The following SPG11 variants were observed in gnomAD, a reference collection of about 807,000 sequenced individuals.
SPG11 encodes the protein spatacsin.
SPG11 carries 222 observed loss-of-function variants against 274.0 expected under a neutral mutation model. The ratio of observed to expected loss-of-function variants is 0.81; its 90% CI spans 0.73 to 0.91. The LOEUF (loss-of-function observed/expected upper bound fraction) is 0.91, where lower values mean the gene tolerates loss of function less well. Among genes scored for constraint, SPG11 ranks in the 40% least tolerant of loss-of-function variants. The pLI, the probability that SPG11 is intolerant of heterozygous loss-of-function variation, is 0.00. For synonymous variants in SPG11, 1,144 were observed against 1,039.7 expected (o/e 1.10, Z -1.93); for missense variants, 3,114 against 2,872.7 (o/e 1.08, Z -1.92).
chr15:44,567,935 TGA>T (rs1296251086), intron 35 of SPG11, among the ~76,000 whole-genome samples: 1 of 152,102 alleles, frequency 6.6e-6, no homozygotes, highest in African/African-American at 2.4e-5. Flanking sequence ...TAGCAAACAA[TGA>T]GAAACAATCC....
intron 23 of SPG11, among the ~76,000 whole-genome samples, chr15:44,597,780 A>C (rs1043482152): frequency 2.0e-5 from 3 of 152,214 alleles, no homozygotes; most frequent in Admixed American, 2.0e-4. Context: ...GAAGGCATGA[A>C]GTGTAAGGAG....
rs1478257543 is a variant in SPG11 at position 44,578,093 on chromosome 15, C to A, written c.5867-3052G>T. ...AGGCTGGAGTGCATTGGCGTGATCTCGGCTCACTACAAGCTCCACCTCCCG... is the reference window on the plus strand; with the variant it reads ...AGGCTGGAGTGCATTGGCGTGATCTAGGCTCACTACAAGCTCCACCTCCCG... On this transcript the variant is annotated intron_variant, in intron 30 of 39. Coordinates refer to ENST00000261866, the MANE Select transcript of SPG11 (RefSeq NM_025137.4). Among the ~76,000 whole-genome samples, 17 of 145,642 alleles carry A rather than the reference C, an allele frequency of 1.2e-4. No homozygotes were observed. In the East Asian group the frequency reaches 3.4e-3, roughly 30 times the overall value.
At chr15:44,577,471 C>T (rs1487482597) in intron 30 of SPG11, among the ~76,000 whole-genome samples, 1 of 147,632 alleles carries the variant, frequency 6.8e-6, no homozygotes, top group Non-Finnish European at 1.5e-5. Context: ...CCACTGCACT[C>T]CAGCCTGGGC....
intron 2 of SPG11, among the ~76,000 whole-genome samples, 165 bp downstream of exon 2, chr15:44,660,267 T>C (rs2085065264): frequency 6.6e-6 from 1 of 152,176 alleles, no homozygotes; most frequent in South Asian, 2.1e-4. Flanking sequence ...TACATCTTAA[T>C]TCATATTAAC....
At position 44,622,324 on chromosome 15, in the gene SPG11, A is replaced by T; in HGVS notation, c.2340T>A (p.Asn780Lys). The T allele has an allele frequency of 6.4e-7, 1 of 1,554,874 alleles. No homozygotes were observed. The highest frequency in any genetic ancestry group is 1.2e-5 in the South Asian group (1 of 85,752). The change falls in exon 13 of 40, where the codon AAT (asparagine) becomes AAA (lysine). Residue 780 changes from asparagine (N) to lysine (K), a missense_variant. Asn to Lys is a moderately conservative substitution (Grantham distance 94). Transcript: ENST00000261866. ...TTCTTTTCTCTTTTTCAGAAAAATA[A>T]TTTTTTTCTTTTAAAATTTCAACCT... Reference protein sequence around the residue: ...DFLVEILKEKNYFSEKEKRTI... With the variant: ...DFLVEILKEKKYFSEKEKRTI...
chr15:44,584,666 T>A, intron 29 of SPG11, 108 bp from the exon 30 acceptor site: 6 of 1,349,756 alleles, frequency 4.4e-6, no homozygotes, highest in Non-Finnish European at 6.2e-6. Context: ...TCTCAGTCTG[T>A]CACCCAGGCT....
At position 44,598,827 on chromosome 15, in the gene SPG11, T is replaced by C. The variant is rs756260518; in HGVS notation, c.3696A>G (p.Gln1232=). Residue 1232 remains glutamine, a synonymous_variant, in exon 22 of 40, where the codon CAA becomes CAG. Transcript: ENST00000261866. Reference sequence around the variant, plus strand: ...CTATAACATAGGCTTCATTGCCTACTTGCTGGATCCTGAAAAAGAAAGGAA... The same window carrying C: ...CTATAACATAGGCTTCATTGCCTACCTGCTGGATCCTGAAAAAGAAAGGAA... ...KSKTPKQLIQ[Q]VGNEAYVIGL... 5 of 1,613,952 alleles carry C rather than the reference T, an allele frequency of 3.1e-6. No individual in the cohort carries two copies. In the African/African-American group the frequency reaches 6.7e-5, roughly 22 times the overall value.
chr15:44,620,563 A>G, intron 14 of SPG11, 160 bp from the exon 15 acceptor site: 1 of 636,446 alleles, frequency 1.6e-6, no homozygotes, highest in Non-Finnish European at 2.6e-6. Flanking sequence ...TTTTTTTGAG[A>G]CAGGATCTCG....
chr15:44,630,495 T>G (rs2141048055), intron 8 of SPG11, among the ~76,000 whole-genome samples: 1 of 152,320 alleles, frequency 6.6e-6, no homozygotes, highest in African/African-American at 2.4e-5. Context: ...TTTAAGCAGT[T>G]TTTAAAACAT....
chr15:44,648,369 T>A (rs1426428488), intron 7 of SPG11, among the ~76,000 whole-genome samples: 2 of 151,964 alleles, frequency 1.3e-5, no homozygotes, highest in African/African-American at 4.8e-5. Context: ...AAAAATTAGC[T>A]GGACATGGTG....
chr15:44,573,928 GCCAAAT>G, intron 31 of SPG11, 183 bp from the exon 32 acceptor site: 1 of 625,792 alleles, frequency 1.6e-6, no homozygotes, highest in South Asian at 1.9e-5. Flanking sequence ...TTTCACCAAA[GCCAAAT>G]CCAGGTAAAA....
At chr15:44,613,656 A>G (rs1269104541) in intron 16 of SPG11, 120 bp from the exon 17 acceptor site, 9 of 649,986 alleles carry the variant, frequency 1.4e-5, no homozygotes, top group African/African-American at 1.1e-4. Context: ...AAAAGTAAAT[A>G]TAACACAAAA....
intron 27 of SPG11, 80 bp from the exon 28 acceptor site, chr15:44,589,494 A>G: frequency 1.3e-6 from 2 of 1,557,732 alleles, no homozygotes; most frequent in South Asian, 1.1e-5. Context: ...GGGAACCTCT[A>G]AGAAAGCTAA....
chr15:44,614,151 C>A (rs1399014401), intron 16 of SPG11, among the ~76,000 whole-genome samples: 1 of 152,172 alleles, frequency 6.6e-6, no homozygotes, highest in Non-Finnish European at 1.5e-5. Context: ...TGTTCTCTTG[C>A]CAGTAGCTAT....
chr15:44,576,137 C>A (rs1595832106), intron 30 of SPG11, among the ~76,000 whole-genome samples: 6 of 90,790 alleles, frequency 6.6e-5, no homozygotes, highest in East Asian at 3.3e-4. Context: ...AATGAAACTC[C>A]ATCTCAAAAA....
chr15:44,583,154 G>A (rs2082688726), intron 30 of SPG11, among the ~76,000 whole-genome samples: 1 of 152,230 alleles, frequency 6.6e-6, no homozygotes, highest in Non-Finnish European at 1.5e-5. Flanking sequence ...GAATAAGCAA[G>A]TTTAACAAAG....
intron 11 of SPG11, among the ~76,000 whole-genome samples, chr15:44,623,837 T>C (rs2083822162): frequency 1.3e-5 from 2 of 152,056 alleles, no homozygotes; most frequent in Admixed American, 6.6e-5. Context: ...CTCAGGTCAC[T>C]GCAACCTCTG....
intron 38 of SPG11, 43 bp downstream of exon 38, chr15:44,565,811 G>C (rs939194568): frequency 3.1e-6 from 5 of 1,611,660 alleles, no homozygotes; most frequent in African/African-American, 2.7e-5. Context: ...CAGAAGGAGA[G>C]AGGATGCTAG....
At chr15:44,622,104 C>T (rs2083769507) in intron 13 of SPG11, 116 bp downstream of exon 13, 1 of 1,295,806 alleles carries the variant, frequency 7.7e-7, no homozygotes, top group African/African-American at 1.5e-5. Flanking sequence ...CAAGTTTTAT[C>T]TCCAAGGAGA....
Sources: allele counts gnomAD v4.1 joint callset (sites outside exome capture counted in the v4.1 genomes callset), GRCh38; gene constraint gnomAD v4.1.1; transcripts MANE v1.5; gene names NCBI Gene and HGNC (gene_info 2026-07-23, HGNC 2026-07-21).